The following ZKSCAN3 variants were observed in gnomAD, a reference collection of about 807,000 sequenced individuals.
ZKSCAN3 encodes zinc finger with KRAB and SCAN domains 3.
ZKSCAN3 carries 21 observed loss-of-function variants against 30.7 expected under a neutral mutation model. The observed-to-expected ratio is 0.68, with a 90% CI of 0.49 to 0.99. The LOEUF (loss-of-function observed/expected upper bound fraction) is 0.99. Ranked by LOEUF, ZKSCAN3 falls within the 50% of genes least tolerant of loss-of-function variation. ZKSCAN3 has a pLI of 0.00. For synonymous variants in ZKSCAN3, 201 were observed against 246.7 expected (o/e 0.81, Z 1.73); for missense variants, 507 against 647.1 (o/e 0.78, Z 2.35).
At chr6:28,356,197 CTT>C (rs1376493617) in intron 1 of ZKSCAN3, 1 of 152,244 alleles carries the variant, frequency 6.6e-6, no homozygotes, top group Non-Finnish European at 1.5e-5. Flanking sequence ...ACAGGAAAGA[CTT>C]TACATTTCTG....
At position 28,365,508 on chromosome 6, in the gene ZKSCAN3, C is replaced by T; in HGVS notation, c.840C>T (p.His280=). 2.5e-6 allele frequency: 4 copies of T among 1,614,200 alleles called. No individual in the cohort carries two copies. In the Middle Eastern group the frequency reaches 6.6e-4, roughly 266 times the overall value. ...PEKEHGKISC[H]LREDIAQIPT... is the part of the protein sequence containing the mutation. ...AGGAGCATGGGAAGATATCGTGCCA[C>T]CTGAGAGAAGACATTGCCCAGATTC... Residue 280 remains histidine, a synonymous_variant, in exon 6 of 6, where the codon CAC becomes CAT. Transcript: ENST00000252211.
Position 28,362,095 on chromosome 6 carries a change from T to C in ZKSCAN3, c.550+624T>C, listed in dbSNP as rs1009550856. On this transcript the variant is annotated intron_variant, in intron 3 of 5. Coordinates refer to ENST00000252211, the MANE Select transcript of ZKSCAN3 (RefSeq NM_024493.4). ...GGATTATAGGTGTAAGCTACCACAC[T>C]TGTGTATACCAGCTACTTGTCTTTG... is the stretch of plus-strand genomic sequence containing the variant. Among the ~76,000 whole-genome samples the C allele has an allele frequency of 1.4e-4, 21 of 152,338 alleles. No homozygotes were observed. The East Asian group carries it at 4.1e-3, about 29-fold the overall frequency.
At chr6:28,360,682 G>T in intron 2 of ZKSCAN3, 3 of 985,392 alleles carry the variant, frequency 3.0e-6, no homozygotes, top group Non-Finnish European at 3.6e-6. Flanking sequence ...CTTCTAAATG[G>T]TGAGCTGGAT....
At chr6:28,363,271 T>G in intron 3 of ZKSCAN3, 32 bp from the exon 4 acceptor site, 1 of 1,591,684 alleles carries the variant, frequency 6.3e-7, no homozygotes, top group Non-Finnish European at 8.6e-7. Context: ...AATGCCAGGG[T>G]ACATCTCATC....
intron 3 of ZKSCAN3, among the ~76,000 whole-genome samples, chr6:28,362,476 G>A (rs1356926962): frequency 1.3e-5 from 2 of 152,162 alleles, no homozygotes; most frequent in Non-Finnish European, 1.5e-5. Context: ...ACATGTACAA[G>A]TTCCCAAGAT....
intron 2 of ZKSCAN3, 158 bp downstream of exon 2, chr6:28,360,146 T>C: frequency 7.5e-7 from 1 of 1,325,406 alleles, no homozygotes; most frequent in Non-Finnish European, 1.0e-6. Flanking sequence ...GGACTCCTTC[T>C]CAGAATAATT....
chr6:28,354,466 G>A (rs973627982), intron 1 of ZKSCAN3, among the ~76,000 whole-genome samples: 4 of 152,114 alleles, frequency 2.6e-5, no homozygotes, highest in Non-Finnish European at 4.4e-5. Flanking sequence ...TTGGCACACA[G>A]GCCTGACATA....
In ZKSCAN3 at chr6:28,363,831, A is replaced by C. The variant is rs767864176; in HGVS notation, c.757+16A>C. ...GTCTCCCTGGGTAAGACTAAAGGAC[A>C]CTAATTTCTGTTAAGGTTTCTTGGC... On this transcript the variant is annotated intron_variant, in intron 5 of 5. Transcript: ENST00000252211. 3 of 1,611,924 alleles carry C rather than the reference A, an allele frequency of 1.9e-6. No individual in the cohort carries two copies. Among genetic ancestry groups the C allele is most frequent in the African/African-American group, 2.7e-5 (2 of 74,996 alleles).
At chr6:28,363,117 A>C (rs1396181060) in intron 3 of ZKSCAN3, among the ~76,000 whole-genome samples, 186 bp from the exon 4 acceptor site, 2 of 152,176 alleles carry the variant, frequency 1.3e-5, no homozygotes, top group African/African-American at 4.8e-5. Flanking sequence ...ATTTAGAGAG[A>C]CAGGGTCTTA....
Position 28,351,365 on chromosome 6 carries a change from G to C in ZKSCAN3, c.-63+1298G>C, listed in dbSNP as rs1765004106. Among the ~76,000 whole-genome samples the C allele has an allele frequency of 6.6e-6, 1 of 152,160 alleles. No homozygotes were observed. The highest frequency in any genetic ancestry group is 6.5e-5 in the Admixed American group (1 of 15,272). On this transcript the variant is annotated intron_variant, in intron 1 of 5. Transcript: ENST00000252211. This position sits in a 1 kb window ranked among gnomAD's most constrained non-coding sequence, Gnocchi z 4.6. The stretch of plus-strand genomic sequence containing the variant: ...CCCTCCTCATTCCACTTGGGCTCCA[G>C]ATTCACTCTGGGTTGGGCTGTGGCT...
chr6:28,353,798 C>T (rs1765225428), intron 1 of ZKSCAN3: 1 of 456,568 alleles, frequency 2.2e-6, no homozygotes, highest in East Asian at 6.9e-5. Flanking sequence ...ACCAGGCCTA[C>T]TCTTATTTAA....
At position 28,368,613 on chromosome 6, in the gene ZKSCAN3, C is replaced by T. The variant is rs951321948; in HGVS notation, c.*2328C>T. On this transcript the variant is annotated 3_prime_UTR_variant, in exon 6 of 6. Coordinates refer to ENST00000252211, the MANE Select transcript of ZKSCAN3 (RefSeq NM_024493.4). ...GTATTTCGGAATGACTATTCTGCTG[C>T]AAACTTTTGTGTAAGCGCTTCACCT... 7.0e-6 allele frequency: 1 copy of T among 143,478 alleles called. No individual in the cohort carries two copies. The highest frequency in any genetic ancestry group is 2.9e-5 in the African/African-American group (1 of 34,646). 8.9% of individuals were successfully genotyped at this position (143,478 alleles called of 1,614,324 possible). A position where few individuals can be genotyped will look rare whatever the true frequency, so the allele number is the denominator to read the frequency against.
intron 1 of ZKSCAN3, among the ~76,000 whole-genome samples, chr6:28,350,787 C>T (rs984504726): frequency 6.6e-6 from 1 of 152,072 alleles, no homozygotes; most frequent in Non-Finnish European, 1.5e-5. Context: ...AAATAAGATA[C>T]TCTGAAAAAG....
At chr6:28,361,547 A>T in intron 3 of ZKSCAN3, 76 bp downstream of exon 3, 1 of 1,513,852 alleles carries the variant, frequency 6.6e-7, no homozygotes. Context: ...AACAAAATTC[A>T]TTGATAGGGG....
chr6:28,363,618 G>A (rs1162356068), intron 4 of ZKSCAN3, 74 bp from the exon 5 acceptor site: 7 of 1,601,458 alleles, frequency 4.4e-6, no homozygotes, highest in East Asian at 4.5e-5. Context: ...TGGGGCCTGG[G>A]GGTGCTTCCC....
chr6:28,361,007 C>G, intron 2 of ZKSCAN3, among the ~76,000 whole-genome samples: 1 of 135,956 alleles, frequency 7.4e-6, no homozygotes, highest in South Asian at 2.2e-4. Flanking sequence ...AATTTTGCAC[C>G]AGTTTCCAAT....
Position 28,359,592 on chromosome 6 carries a change from T to C in ZKSCAN3, c.6T>C (p.Ala2=). The C allele has an allele frequency of 1.9e-6, 3 of 1,613,530 alleles. No homozygotes were observed. Residue 2 remains alanine (A), a synonymous_variant, in exon 2 of 6, where the codon GCT becomes GCC. Coordinates refer to ENST00000252211, the MANE Select transcript of ZKSCAN3 (RefSeq NM_024493.4). The part of the protein sequence containing the change: M[A]RELSESTALD... Reference sequence around the variant, plus strand: ...GAGTACTGCCTTGGCCTAGGATGGCTAGAGAATTAAGTGAAAGCACAGCCC... The same window carrying C: ...GAGTACTGCCTTGGCCTAGGATGGCCAGAGAATTAAGTGAAAGCACAGCCC...
intron 3 of ZKSCAN3, among the ~76,000 whole-genome samples, chr6:28,362,350 G>A (rs1334496844): frequency 6.6e-6 from 1 of 152,180 alleles, no homozygotes; most frequent in Non-Finnish European, 1.5e-5. Flanking sequence ...TAGGACTATT[G>A]CAAATTAAAG....
At position 28,365,935 on chromosome 6, in the gene ZKSCAN3, G is replaced by A. The variant is rs781022948; in HGVS notation, c.1267G>A (p.Glu423Lys). 1 of 1,613,926 alleles carries A rather than the reference G, an allele frequency of 6.2e-7. No individual in the cohort carries two copies. Among genetic ancestry groups the A allele is most frequent in the South Asian group, 1.1e-5 (1 of 91,036 alleles). Reference protein sequence around the residue: ...LLEHHRIHTGEKPYQCSMCGK... With the variant: ...LLEHHRIHTGKKPYQCSMCGK... ...TGAACATCACAGAATCCACACTGGG[G>A]AGAAGCCGTATCAGTGCAGTATGTG... Residue 423 changes from glutamate to lysine, a missense_variant, in exon 6 of 6, where the codon GAG becomes AAG. By Grantham distance (56) the Glu-to-Lys change is moderately conservative (BLOSUM62 1). Transcript: ENST00000252211.
Sources: allele counts gnomAD v4.1 joint callset (sites outside exome capture counted in the v4.1 genomes callset), GRCh38; gene constraint gnomAD v4.1.1; non-coding constraint Gnocchi (gnomAD v3.1); transcripts MANE v1.5; gene names NCBI Gene and HGNC (gene_info 2026-07-23, HGNC 2026-07-21).